CNOT4: variants seen among roughly 807,000 people sequenced by gnomAD.
CNOT4 encodes the protein CCR4-NOT transcription complex subunit 4.
Under a neutral mutation model 73.8 loss-of-function variants are expected in CNOT4, and 8 were observed. The ratio of observed to expected loss-of-function variants is 0.11; its 90% CI spans 0.06 to 0.20. CNOT4 has a LOEUF of 0.20. Among genes scored for constraint, CNOT4 ranks in the 10% least tolerant of loss-of-function variants. The pLI is 1.00. For synonymous variants in CNOT4, 293 were observed against 321.1 expected, an observed-to-expected ratio of 0.91 and a Z score of 0.94; for missense variants, 564 against 883.4, an observed-to-expected ratio of 0.64 and a Z score of 4.58.
At position 135,364,974 on chromosome 7, in the gene CNOT4, G is replaced by T. The variant is rs1340153193; in HGVS notation, c.1628-908C>A. Among the ~76,000 whole-genome samples, 2 of 152,114 alleles carry T rather than the reference G, an allele frequency of 1.3e-5. No individual in the cohort carries two copies. Among genetic ancestry groups the T allele is most frequent in the African/African-American group, 4.8e-5 (2 of 41,420 alleles). ...ATACTTAGATAGTTGTTTTATTTTT[G>T]AAAATAGCAATGTAAGTCAAATTAC... On this transcript the variant is annotated intron_variant, in intron 10 of 11. Coordinates refer to ENST00000541284, the MANE Select transcript of CNOT4 (RefSeq NM_001190850.2). This position sits in a 1 kb window ranked among gnomAD's most constrained non-coding sequence, Gnocchi z 4.3.
At chr7:135,414,237 A>G in intron 5 of CNOT4, 94 bp downstream of exon 5, 1 of 596,806 alleles carries the variant, frequency 1.7e-6, no homozygotes, top group South Asian at 2.6e-5. Context: ...TTAACTGTCA[A>G]ATTTAATATA....
At chr7:135,448,832 A>C (rs1268235321) in intron 1 of CNOT4, among the ~76,000 whole-genome samples, 1 of 152,194 alleles carries the variant, frequency 6.6e-6, no homozygotes, top group Non-Finnish European at 1.5e-5. Flanking sequence ...GAGGAGCTCA[A>C]AAGTACATTT....
Position 135,362,826 on chromosome 7 carries a change from G to T in CNOT4, c.*59C>A, listed in dbSNP as rs761947173. On this transcript the variant is annotated 3_prime_UTR_variant, in exon 12 of 12. Transcript: ENST00000541284. ...AGAAGGGAGCTGTGGGTGGTGGGCTGAGAGGGAGAAAACAGAGTGGGACAA... is the reference window on the plus strand; with the variant it reads ...AGAAGGGAGCTGTGGGTGGTGGGCTTAGAGGGAGAAAACAGAGTGGGACAA... 6.9e-7 allele frequency: 1 copy of T among 1,447,922 alleles called. No individual in the cohort carries two copies. The highest frequency in any genetic ancestry group is 1.1e-5 in the South Asian group (1 of 87,798). 89.7% of individuals were successfully genotyped at this position (1,447,922 alleles called of 1,614,324 possible).
chr7:135,463,531 T>G (rs1801011614), intron 1 of CNOT4, among the ~76,000 whole-genome samples: 1 of 138,702 alleles, frequency 7.2e-6, no homozygotes, highest in South Asian at 2.3e-4. Flanking sequence ...CAGTGAGACT[T>G]CATCCCCCCA....
At chr7:135,372,030 C>T (rs1795234151) in intron 10 of CNOT4, among the ~76,000 whole-genome samples, 1 of 152,172 alleles carries the variant, frequency 6.6e-6, no homozygotes, top group South Asian at 2.1e-4. Context: ...GGAGACAATA[C>T]ACAGATCACC....
At chr7:135,503,289 C>A (rs1389633486) in intron 1 of CNOT4, among the ~76,000 whole-genome samples, 1 of 151,764 alleles carries the variant, frequency 6.6e-6, no homozygotes, top group African/African-American at 2.4e-5. Context: ...ACAGGGTGAG[C>A]CCCCATTTCC....
chr7:135,411,016 A>G (rs1468360763), intron 6 of CNOT4, among the ~76,000 whole-genome samples: 1 of 151,926 alleles, frequency 6.6e-6, no homozygotes, highest in Non-Finnish European at 1.5e-5. Flanking sequence ...TCTTTCATGT[A>G]AGAATTAAGT....
intron 10 of CNOT4, among the ~76,000 whole-genome samples, chr7:135,366,734 C>T (rs778243388): frequency 5.9e-5 from 9 of 152,178 alleles, no homozygotes; most frequent in Non-Finnish European, 1.2e-4. Flanking sequence ...GGAATAGGAT[C>T]ATATTCCATC....
intron 6 of CNOT4, among the ~76,000 whole-genome samples, chr7:135,413,255 T>C (rs1490470569): frequency 6.6e-6 from 1 of 151,986 alleles, no homozygotes; most frequent in Non-Finnish European, 1.5e-5. Flanking sequence ...AAGAAACCTG[T>C]TCATCTTCAT....
chr7:135,474,729 G>A (rs1314859728), intron 1 of CNOT4, among the ~76,000 whole-genome samples: 1 of 152,076 alleles, frequency 6.6e-6, no homozygotes, highest in African/African-American at 2.4e-5. Context: ...AAATGTAAAT[G>A]AAAGAAAATT....
At chr7:135,456,947 T>C (rs1170792204) in intron 1 of CNOT4, among the ~76,000 whole-genome samples, 1 of 152,014 alleles carries the variant, frequency 6.6e-6, no homozygotes, top group Non-Finnish European at 1.5e-5. Flanking sequence ...TTGCAGATGA[T>C]AAGATTTTGT....
rs1794827504 is a variant in CNOT4 at position 135,364,831 on chromosome 7, G to C, written c.1628-765C>G. On this transcript the variant is annotated intron_variant, in intron 10 of 11. Coordinates refer to ENST00000541284, the MANE Select transcript of CNOT4 (RefSeq NM_001190850.2). This position sits in a 1 kb window ranked among gnomAD's most constrained non-coding sequence, Gnocchi z 4.3. ...AGAAGACACTAGCAACATAGAAAAG[G>C]CTTTTTATAAATTGTGACTAAACTA... Among the ~76,000 whole-genome samples the C allele has an allele frequency of 6.6e-6, 1 of 152,132 alleles. No homozygotes were observed. The highest frequency in any genetic ancestry group is 1.5e-5 in the Non-Finnish European group (1 of 68,014).
At chr7:135,454,612 T>A (rs1328431965) in intron 1 of CNOT4, among the ~76,000 whole-genome samples, 2 of 151,696 alleles carry the variant, frequency 1.3e-5, no homozygotes, top group Non-Finnish European at 2.9e-5. Flanking sequence ...AAGTGGAAGT[T>A]GCAGTGAGCC....
chr7:135,419,356 A>C (rs1798049674), intron 3 of CNOT4, among the ~76,000 whole-genome samples: 1 of 152,212 alleles, frequency 6.6e-6, no homozygotes, highest in South Asian at 2.1e-4. Flanking sequence ...GACGCTAACA[A>C]TTTGAACCTT....
At chr7:135,434,411 G>C (rs1267269051) in intron 2 of CNOT4, among the ~76,000 whole-genome samples, 1 of 152,198 alleles carries the variant, frequency 6.6e-6, no homozygotes, top group African/African-American at 2.4e-5. Flanking sequence ...ACCAAGAAGA[G>C]GTTCTAGGAG....
chr7:135,496,851 GA>G (rs935599827), intron 1 of CNOT4, among the ~76,000 whole-genome samples: 82 of 152,040 alleles, frequency 5.4e-4, no homozygotes, highest in African/African-American at 1.8e-3. Flanking sequence ...CTGTCACCCA[GA>G]CTGGAGTGAA....
Position 135,503,735 on chromosome 7 carries a change from TTCTCA to T in CNOT4, c.-93+6149_-93+6153del, listed in dbSNP as rs560105169. On this transcript the variant is annotated intron_variant, in intron 1 of 11. Transcript: ENST00000541284. ...AGAAAGATTTAATGCAGAATCCTAA[TTCTCA>T]TCTAAGAATTAATAAAAGTTAGAGG... is the stretch of plus-strand genomic sequence containing the variant. Among the ~76,000 whole-genome samples the T allele has an allele frequency of 9.3e-4, 142 of 152,186 alleles. 3 individuals are homozygous for T. Among genetic ancestry groups the T allele is most frequent in the Non-Finnish European group, 2.2e-4 (15 of 68,042 alleles).
intron 6 of CNOT4, among the ~76,000 whole-genome samples, chr7:135,412,026 A>G (rs1287743468): frequency 6.6e-6 from 1 of 152,036 alleles, no homozygotes; most frequent in African/African-American, 2.4e-5. Flanking sequence ...AAACTCAGCT[A>G]AAGAAGAGCA....
rs1353097548 is a variant in CNOT4 at position 135,363,152 on chromosome 7, A to G, written c.1875T>C (p.Ser625=). The G allele has an allele frequency of 1.2e-6, 2 of 1,613,776 alleles. No homozygotes were observed. Among genetic ancestry groups the G allele is most frequent in the Non-Finnish European group, 1.7e-6 (2 of 1,180,002 alleles). ...IPASSGNSLD[S]LQDDNPPHWL... The stretch of plus-strand genomic sequence containing the variant: ...AGTGTGGAGGATTGTCATCTTGAAG[A>G]GAGTCTAAACTGTTTCCTGAAGACG... The change falls in exon 12 of 12, where the codon TCT becomes TCC. Residue 625 remains serine (S), a synonymous_variant. Transcript: ENST00000541284. The surrounding 1 kb of genome is among the most constrained non-coding windows in gnomAD (Gnocchi z 4.3).
Sources: allele counts gnomAD v4.1 joint callset (sites outside exome capture counted in the v4.1 genomes callset), GRCh38; gene constraint gnomAD v4.1.1; non-coding constraint Gnocchi (gnomAD v3.1); transcripts MANE v1.5; gene names NCBI Gene and HGNC (gene_info 2026-07-23, HGNC 2026-07-21).